The following FBXO34 variants were observed in gnomAD, a reference collection of about 807,000 sequenced individuals.
FBXO34 encodes F-box protein 34.
Under a neutral mutation model 24.5 loss-of-function variants are expected in FBXO34, and 12 were observed. The observed-to-expected ratio is 0.49, with a 90% CI of 0.31 to 0.79. The LOEUF is 0.79. Among genes scored for constraint, FBXO34 ranks in the 30% least tolerant of loss-of-function variants. The probability of loss-of-function intolerance (pLI) is 0.04; values close to 1 mark genes in which losing one functional copy is unlikely to be tolerated. For synonymous variants in FBXO34, 320 were observed against 311.9 expected (o/e 1.03, Z -0.27); for missense variants, 823 against 857.7 (o/e 0.96, Z 0.51).
chr14:55,425,900 G>A, the FBXO34 span, among the ~76,000 whole-genome samples: 251 of 152,238 alleles, frequency 1.6e-3, no homozygotes, highest in South Asian at 5.4e-3. Context: ...TATCATCCTA[G>A]CATCTGCTAC....
chr14:55,272,018 G>A (rs1203863328), intron 1 of FBXO34: 2 of 152,244 alleles, frequency 1.3e-5, no homozygotes, highest in African/African-American at 4.8e-5. Flanking sequence ...CTTCTTCAAC[G>A]ACGAGGCGGG....
At chr14:55,364,336 A>C (rs1884633304), downstream of FBXO34, among the ~76,000 whole-genome samples, 1 of 152,118 alleles carries the variant, frequency 6.6e-6, no homozygotes, top group Non-Finnish European at 1.5e-5. Flanking sequence ...CTCCCTACAA[A>C]AGGCACAACA....
chr14:55,366,372 G>A (rs1349275808), downstream of FBXO34: 3 of 152,552 alleles, frequency 2.0e-5, no homozygotes, highest in Non-Finnish European at 4.4e-5. Flanking sequence ...GTTTGAAAAA[G>A]ACATACACAT....
chr14:55,309,565 C>G (rs969524021), intron 1 of FBXO34, among the ~76,000 whole-genome samples: 1 of 152,138 alleles, frequency 6.6e-6, no homozygotes, highest in African/African-American at 2.4e-5. Flanking sequence ...TTGCCAAGAA[C>G]AAAAGTTACC....
the FBXO34 span, among the ~76,000 whole-genome samples, chr14:55,432,711 C>T: frequency 6.6e-6 from 1 of 152,116 alleles, no homozygotes; most frequent in Non-Finnish European, 1.5e-5. Context: ...ATAAAATGAA[C>T]ACTTAGTACA....
chr14:55,411,861 T>C, the FBXO34 span: 1 of 1,538,162 alleles, frequency 6.5e-7, no homozygotes. Context: ...GGGATTTTGT[T>C]TTCAACCGGG....
At chr14:55,286,980 C>G (rs1422836075) in intron 1 of FBXO34, among the ~76,000 whole-genome samples, 1 of 149,776 alleles carries the variant, frequency 6.7e-6, no homozygotes, top group Non-Finnish European at 1.5e-5. Context: ...TTGATCTCAG[C>G]TCACTGCAAC....
At chr14:55,305,316 G>T (rs1882501761) in intron 1 of FBXO34, among the ~76,000 whole-genome samples, 1 of 152,004 alleles carries the variant, frequency 6.6e-6, no homozygotes, top group South Asian at 2.1e-4. Context: ...GGAGGCTGAG[G>T]CAGGGGAATA....
chr14:55,406,731 C>G, the FBXO34 span, among the ~76,000 whole-genome samples: 3 of 152,146 alleles, frequency 2.0e-5, no homozygotes, highest in Non-Finnish European at 2.9e-5. Context: ...AACTATTCTT[C>G]TTAAAGCACA....
intron 1 of FBXO34, among the ~76,000 whole-genome samples, chr14:55,349,969 A>G (rs1185217938): frequency 6.6e-6 from 1 of 152,104 alleles, no homozygotes; most frequent in East Asian, 1.9e-4. Flanking sequence ...ATGATTTAGA[A>G]AGGGTGTTTA....
chr14:55,439,491 T>C, the FBXO34 span, among the ~76,000 whole-genome samples: 5 of 113,998 alleles, frequency 4.4e-5, no homozygotes, highest in African/African-American at 6.6e-5. Context: ...GTGCATGTCC[T>C]TTAGAACCAG....
Position 55,351,836 on chromosome 14 carries a change from G to C in FBXO34, c.1446G>C (p.Leu482Phe). Residue 482 changes from leucine to phenylalanine, a missense_variant, in exon 2 of 2, where the codon TTG becomes TTC. By Grantham distance (22) the Leu-to-Phe change is conservative (BLOSUM62 0). This residue lies in a region of FBXO34 where 693 missense variants were observed against 659.1 expected (regional missense o/e 1.05). Coordinates refer to ENST00000313833, the MANE Select transcript of FBXO34 (RefSeq NM_017943.4). ...NSCEDPVPGM[L>F]FFLPPGQHLS... The stretch of plus-strand genomic sequence containing the variant: ...GTGAAGACCCAGTTCCAGGGATGTT[G>C]TTTTTTTTGCCACCTGGTCAGCACT... 6.2e-7 allele frequency: 1 copy of C among 1,613,740 alleles called. No homozygotes were observed. The highest frequency in any genetic ancestry group is 8.5e-7 in the Non-Finnish European group (1 of 1,179,816).
At chr14:55,436,942 T>C in the FBXO34 span, 3 of 1,614,208 alleles carry the variant, frequency 1.9e-6, no homozygotes, top group East Asian at 2.2e-5. Context: ...AGTATCCGGA[T>C]TGGATGCATT....
intron 1 of FBXO34, among the ~76,000 whole-genome samples, chr14:55,299,418 G>T: frequency 8.0e-6 from 1 of 124,702 alleles, no homozygotes; most frequent in Non-Finnish European, 1.7e-5. Flanking sequence ...GGGTTGCGGG[G>T]CACGGGGGCT....
chr14:55,400,932 A>T, the FBXO34 span, among the ~76,000 whole-genome samples: 1 of 151,288 alleles, frequency 6.6e-6, no homozygotes, highest in Non-Finnish European at 1.5e-5. Context: ...ATAAAATAAA[A>T]TAAAATAAAA....
intron 1 of FBXO34, among the ~76,000 whole-genome samples, chr14:55,310,394 C>T (rs912717503): frequency 6.6e-6 from 1 of 152,016 alleles, no homozygotes; most frequent in African/African-American, 2.4e-5. Context: ...CATTTCATGC[C>T]AGGAGAGTAT....
chr14:55,355,617 G>A (rs1041230316), downstream of FBXO34, among the ~76,000 whole-genome samples: 2 of 152,198 alleles, frequency 1.3e-5, no homozygotes, highest in African/African-American at 4.8e-5. Flanking sequence ...ATCTAGAGGT[G>A]ATTTAAAGTA....
chr14:55,392,147 C>T, the FBXO34 span, among the ~76,000 whole-genome samples: 2 of 152,138 alleles, frequency 1.3e-5, no homozygotes, highest in African/African-American at 2.4e-5. Flanking sequence ...CTAGATCCCT[C>T]GCATGTGCAG....
chr14:55,370,780 A>G (rs1200931299), downstream of FBXO34, among the ~76,000 whole-genome samples: 2 of 151,872 alleles, frequency 1.3e-5, no homozygotes, highest in East Asian at 3.9e-4. Context: ...AGCTGGGATT[A>G]CAGGCACCTG....
Sources: gnomAD v4.1 joint callset for allele counts (sites outside exome capture counted in the v4.1 genomes callset) on GRCh38, gnomAD v4.1.1 for gene constraint, gnomAD v4.1.1 regional missense constraint, MANE v1.5 for transcripts, NCBI Gene and HGNC (gene_info 2026-07-23, HGNC 2026-07-21) for gene names.